The following MTUS2 variants were observed in gnomAD, a reference collection of about 807,000 sequenced individuals.
MTUS2 encodes microtubule-associated tumor suppressor candidate 2.
Under a neutral mutation model 114.1 loss-of-function variants are expected in MTUS2, and 40 were observed. The ratio of observed to expected loss-of-function variants is 0.35; its 90% CI spans 0.27 to 0.46. MTUS2 has a LOEUF of 0.46. Ranked by LOEUF, MTUS2 falls within the 20% of genes least tolerant of loss-of-function variation. The pLI is 1.00. For missense variants in MTUS2, 1,679 were observed against 1,705.4 expected (o/e 0.98, Z 0.27); for synonymous variants, 688 against 672.0 (o/e 1.02, Z -0.37).
chr13:28,909,916 A>G (rs923993008), intron 2 of MTUS2, among the ~76,000 whole-genome samples: 2 of 152,158 alleles, frequency 1.3e-5, no homozygotes, highest in Non-Finnish European at 2.9e-5. Flanking sequence ...GTGGGTGCAT[A>G]GTAAGTATAT....
At chr13:29,285,527 G>T (rs1898443679) in intron 6 of MTUS2, among the ~76,000 whole-genome samples, 1 of 152,144 alleles carries the variant, frequency 6.6e-6, no homozygotes. Flanking sequence ...TTAGTCTTTG[G>T]GGGAAAAATG....
intron 8 of MTUS2, among the ~76,000 whole-genome samples, chr13:29,395,478 T>TG (rs1463751863): frequency 6.6e-6 from 1 of 151,658 alleles, no homozygotes; most frequent in Non-Finnish European, 1.5e-5. Flanking sequence ...GCACAGTGAG[T>TG]GAATTGTGGT....
intron 5 of MTUS2, among the ~76,000 whole-genome samples, chr13:29,138,258 C>T (rs1892067597): frequency 6.6e-6 from 1 of 151,904 alleles, no homozygotes; most frequent in South Asian, 2.1e-4. Flanking sequence ...CTATCCTCAC[C>T]CTCCCCAGGA....
chr13:28,938,705 A>G (rs1882060367), intron 2 of MTUS2, among the ~76,000 whole-genome samples: 1 of 152,172 alleles, frequency 6.6e-6, no homozygotes, highest in African/African-American at 2.4e-5. Flanking sequence ...ATTGAGATTC[A>G]CACAGGCACA....
At chr13:29,478,749 G>A (rs1404749799) in intron 9 of MTUS2, among the ~76,000 whole-genome samples, 2 of 151,982 alleles carry the variant, frequency 1.3e-5, no homozygotes, top group East Asian at 3.9e-4. Context: ...ATTGCATTGG[G>A]AGATCAGAGT....
At chr13:29,233,220 T>C (rs1026452158) in intron 5 of MTUS2, among the ~76,000 whole-genome samples, 24 of 115,964 alleles carry the variant, frequency 2.1e-4, no homozygotes, top group African/African-American at 8.5e-4. Flanking sequence ...GTTTTGGTTT[T>C]TGCATTTTTT....
intron 5 of MTUS2, among the ~76,000 whole-genome samples, chr13:29,119,685 G>A (rs1479921943): frequency 2.0e-5 from 3 of 152,156 alleles, no homozygotes; most frequent in Non-Finnish European, 4.4e-5. Flanking sequence ...AGTAGTCAGG[G>A]AAGAGAGCAA....
At chr13:29,307,455 G>A (rs1323893283) in intron 6 of MTUS2, 8 of 1,319,390 alleles carry the variant, frequency 6.1e-6, no homozygotes, top group East Asian at 4.7e-5. Context: ...AGCTGAATGG[G>A]AAGCTCACTG....
At chr13:29,174,521 T>C (rs1893690975) in intron 5 of MTUS2, among the ~76,000 whole-genome samples, 1 of 152,304 alleles carries the variant, frequency 6.6e-6, no homozygotes, top group East Asian at 1.9e-4. Flanking sequence ...CAGGGTCTGG[T>C]TTGGACTGTG....
intron 8 of MTUS2, among the ~76,000 whole-genome samples, chr13:29,396,362 G>A (rs564019093): frequency 2.6e-5 from 4 of 152,190 alleles, no homozygotes; most frequent in Admixed American, 2.6e-4. Context: ...AAATTCCAGA[G>A]TCACTATCAG....
At chr13:29,434,315 TC>T (rs1877252131) in intron 8 of MTUS2, among the ~76,000 whole-genome samples, 1 of 152,032 alleles carries the variant, frequency 6.6e-6, no homozygotes, top group Non-Finnish European at 1.5e-5. Flanking sequence ...TCCCAAAAAG[TC>T]CCAGGTGCTA....
chr13:28,827,649 T>G (rs917156051), intron 1 of MTUS2, among the ~76,000 whole-genome samples: 37 of 152,164 alleles, frequency 2.4e-4, no homozygotes, highest in African/African-American at 8.2e-4. Flanking sequence ...CCCTAAGTAT[T>G]GGCCGGTCTG....
intron 6 of MTUS2, among the ~76,000 whole-genome samples, chr13:29,320,002 C>T (rs117257093): frequency 6.0e-4 from 91 of 152,324 alleles, no homozygotes; most frequent in Non-Finnish European, 7.8e-4. Flanking sequence ...ACGCTGAATA[C>T]TGGCCCCTGA....
intron 4 of MTUS2, among the ~76,000 whole-genome samples, chr13:29,056,280 A>G (rs1888129654): frequency 2.0e-5 from 3 of 152,088 alleles, no homozygotes; most frequent in Admixed American, 2.0e-4. Context: ...GAAGGGATTC[A>G]GTTTCCATCT....
At chr13:29,441,225 C>T (rs1277360638) in intron 9 of MTUS2, among the ~76,000 whole-genome samples, 8 of 151,972 alleles carry the variant, frequency 5.3e-5, no homozygotes, top group African/African-American at 7.3e-5. Flanking sequence ...CAGGGGTTGA[C>T]GCCAGATGTA....
chr13:28,879,740 G>A (rs1878174360), intron 2 of MTUS2, among the ~76,000 whole-genome samples: 1 of 152,058 alleles, frequency 6.6e-6, no homozygotes, highest in South Asian at 2.1e-4. Flanking sequence ...GCAAATTGAT[G>A]GGAGGGAAAA....
chr13:28,977,522 G>T (rs1004862254), intron 2 of MTUS2, among the ~76,000 whole-genome samples: 3 of 152,140 alleles, frequency 2.0e-5, no homozygotes, highest in African/African-American at 7.2e-5. Context: ...AACCTACGAG[G>T]TAATTGGTTT....
intron 2 of MTUS2, among the ~76,000 whole-genome samples, chr13:28,958,165 G>A (rs1021263808): frequency 4.6e-5 from 7 of 152,178 alleles, no homozygotes; most frequent in African/African-American, 1.7e-4. Context: ...TGTGCCTCCT[G>A]CTTAATTAGC....
chr13:28,956,989 G>A (rs561203710), intron 2 of MTUS2, among the ~76,000 whole-genome samples: 1 of 152,250 alleles, frequency 6.6e-6, no homozygotes, highest in South Asian at 2.1e-4. Flanking sequence ...TAGGTGAGCT[G>A]GCGGGAAGGA....
Sources: allele counts gnomAD v4.1 joint callset (sites outside exome capture counted in the v4.1 genomes callset), GRCh38; gene constraint gnomAD v4.1.1; transcripts MANE v1.5; gene names NCBI Gene and HGNC (gene_info 2026-07-23, HGNC 2026-07-21).